RBFOX1: variants seen among roughly 807,000 people sequenced by gnomAD.
RBFOX1 encodes the protein RNA binding protein fox-1 homolog 1.
In RBFOX1, 8 loss-of-function variants were observed where a neutral mutation model predicts 57.7. The ratio of observed to expected loss-of-function variants is 0.14; its 90% CI spans 0.08 to 0.25. The LOEUF (loss-of-function observed/expected upper bound fraction) is 0.25. Among genes scored for constraint, RBFOX1 ranks in the 10% least tolerant of loss-of-function variants. The pLI is 1.00. For missense variants in RBFOX1, 611 were observed against 548.5 expected (o/e 1.11, Z -1.14); for synonymous variants, 326 against 222.4 (o/e 1.47, Z -4.15).
At chr16:5,798,627 C>G (rs2054957800) in intron 3 of RBFOX1, among the ~76,000 whole-genome samples, 1 of 152,202 alleles carries the variant, frequency 6.6e-6, no homozygotes, top group Non-Finnish European at 1.5e-5. Flanking sequence ...GATCACTCAC[C>G]TATATGCCTG....
chr16:6,048,793 T>C (rs998317720), intron 1 of RBFOX1, among the ~76,000 whole-genome samples: 7 of 152,196 alleles, frequency 4.6e-5, no homozygotes, highest in Non-Finnish European at 8.8e-5. Context: ...CTACTGATAA[T>C]TAATTCATGT....
At chr16:6,962,406 T>G (rs1262451754) in intron 3 of RBFOX1, among the ~76,000 whole-genome samples, 2 of 152,288 alleles carry the variant, frequency 1.3e-5, no homozygotes, top group East Asian at 3.9e-4. Context: ...GGAGATAAAT[T>G]CAACCTGCTA....
intron 3 of RBFOX1, among the ~76,000 whole-genome samples, chr16:6,966,024 G>T (rs2084066562): frequency 6.6e-6 from 1 of 152,130 alleles, no homozygotes; most frequent in Non-Finnish European, 1.5e-5. Context: ...TAGAAAATCG[G>T]AGATACGTTT....
chr16:6,588,825 C>G (rs758160585), intron 2 of RBFOX1, among the ~76,000 whole-genome samples: 6 of 152,260 alleles, frequency 3.9e-5, no homozygotes, highest in Non-Finnish European at 8.8e-5. Context: ...GAGTGCTCCC[C>G]AGGCCATGCT....
chr16:5,441,905 C>G (rs1232330943), intron 1 of RBFOX1, among the ~76,000 whole-genome samples: 1 of 152,158 alleles, frequency 6.6e-6, no homozygotes, highest in Non-Finnish European at 1.5e-5. Flanking sequence ...TCCACTTGTT[C>G]TCTCCCACGA....
At chr16:5,727,619 A>G (rs1416634098) in intron 3 of RBFOX1, among the ~76,000 whole-genome samples, 2 of 152,200 alleles carry the variant, frequency 1.3e-5, no homozygotes, top group African/African-American at 2.4e-5. Flanking sequence ...ACTTAGACCA[A>G]TATCTCCCCA....
chr16:6,325,236 A>G (rs1354030449), intron 2 of RBFOX1, among the ~76,000 whole-genome samples: 1 of 152,096 alleles, frequency 6.6e-6, no homozygotes, highest in Non-Finnish European at 1.5e-5. Context: ...GTGTGCACCT[A>G]TGGTCCTAGC....
At chr16:5,457,890 G>A (rs1055729505) in intron 1 of RBFOX1, among the ~76,000 whole-genome samples, 1 of 152,046 alleles carries the variant, frequency 6.6e-6, no homozygotes, top group African/African-American at 2.4e-5. Flanking sequence ...CACATAACAT[G>A]CCCTCCTTAA....
At chr16:6,175,495 C>T (rs2096998397) in intron 1 of RBFOX1, among the ~76,000 whole-genome samples, 1 of 151,800 alleles carries the variant, frequency 6.6e-6, no homozygotes, top group East Asian at 1.9e-4. Context: ...CCCGGTTTTT[C>T]TGTAGGTCGG....
intron 2 of RBFOX1, among the ~76,000 whole-genome samples, chr16:6,525,268 T>C (rs2096562729): frequency 6.6e-6 from 1 of 152,206 alleles, no homozygotes; most frequent in Non-Finnish European, 1.5e-5. Context: ...AGAGAACCAC[T>C]GCAGAATTAT....
At chr16:6,753,836 A>C (rs559027811) in intron 3 of RBFOX1, among the ~76,000 whole-genome samples, 55 of 152,076 alleles carry the variant, frequency 3.6e-4, no homozygotes, top group Middle Eastern at 3.4e-3. Flanking sequence ...CCTGGGCTTG[A>C]GGGATTTTTG....
chr16:5,910,378 T>C (rs1018527564), intron 4 of RBFOX1, among the ~76,000 whole-genome samples: 1 of 152,206 alleles, frequency 6.6e-6, no homozygotes, highest in Non-Finnish European at 1.5e-5. Flanking sequence ...CCTTCTTGAC[T>C]GGAAGAATGT....
chr16:7,271,792 C>G (rs535943116), intron 4 of RBFOX1, among the ~76,000 whole-genome samples: 1 of 151,610 alleles, frequency 6.6e-6, no homozygotes, highest in African/African-American at 2.4e-5. Flanking sequence ...CTCTTAGGCT[C>G]TTATTGTAAA....
chr16:6,828,974 C>A (rs1056741695), intron 3 of RBFOX1, among the ~76,000 whole-genome samples: 1 of 150,130 alleles, frequency 6.7e-6, no homozygotes, highest in Non-Finnish European at 1.5e-5. Flanking sequence ...GTACTTTTCC[C>A]GTTGTTATAA....
At chr16:7,071,613 GTGTGTT>G (rs1192675784) in intron 4 of RBFOX1, among the ~76,000 whole-genome samples, 15 of 121,294 alleles carry the variant, frequency 1.2e-4, no homozygotes, top group African/African-American at 3.5e-4. Flanking sequence ...GTGTGTGTGT[GTGTGTT>G]TGTCTGTATA....
At chr16:6,684,745 A>C (rs1055293843) in intron 3 of RBFOX1, among the ~76,000 whole-genome samples, 1 of 152,214 alleles carries the variant, frequency 6.6e-6, no homozygotes, top group Non-Finnish European at 1.5e-5. Flanking sequence ...GTCGTGAATG[A>C]CCGTTAACTG....
At chr16:5,456,419 G>C (rs376782750) in intron 1 of RBFOX1, among the ~76,000 whole-genome samples, 4 of 152,176 alleles carry the variant, frequency 2.6e-5, no homozygotes, top group African/African-American at 9.7e-5. Flanking sequence ...GATTTGAAAG[G>C]TTGGGTTGTG....
At chr16:5,734,855 T>C (rs756916475) in intron 3 of RBFOX1, among the ~76,000 whole-genome samples, 3 of 152,136 alleles carry the variant, frequency 2.0e-5, no homozygotes, top group African/African-American at 7.2e-5. Flanking sequence ...TCACTGCAAG[T>C]GAGCAAAAGT....
intron 3 of RBFOX1, among the ~76,000 whole-genome samples, chr16:6,879,414 A>C (rs553963968): frequency 6.6e-6 from 1 of 152,178 alleles, no homozygotes; most frequent in Non-Finnish European, 1.5e-5. Flanking sequence ...GTATGTAATT[A>C]TTAGAATTTT....
Sources: gnomAD v4.1 joint callset for allele counts (sites outside exome capture counted in the v4.1 genomes callset) on GRCh38, gnomAD v4.1.1 for gene constraint, MANE v1.5 for transcripts, NCBI Gene and HGNC (gene_info 2026-07-23, HGNC 2026-07-21) for gene names.